NELL1: variants seen among roughly 807,000 people sequenced by gnomAD.
NELL1 encodes the protein protein kinase C-binding protein NELL1.
Under a neutral mutation model 107.4 loss-of-function variants are expected in NELL1, and 76 were observed. The ratio of observed to expected loss-of-function variants is 0.71; its 90% CI spans 0.59 to 0.86. The LOEUF is 0.86. Among genes scored for constraint, NELL1 ranks in the 40% least tolerant of loss-of-function variants. The pLI is 0.00. For missense variants in NELL1, 1,024 were observed against 1,005.5 expected (o/e 1.02, Z -0.25); for synonymous variants, 353 against 341.2 (o/e 1.03, Z -0.38).
chr11:21,574,261 T>A (rs1857171081), intron 19 of NELL1, among the ~76,000 whole-genome samples: 2 of 151,706 alleles, frequency 1.3e-5, no homozygotes, highest in Non-Finnish European at 2.9e-5. Context: ...TAGATTTTTT[T>A]TTTCTGGGAA....
intron 14 of NELL1, chr11:21,260,466 A>G (rs1275615547): frequency 2.6e-5 from 4 of 151,874 alleles, no homozygotes; most frequent in Non-Finnish European, 5.9e-5. Context: ...ATCCTGATGT[A>G]TTTAGTTTTT....
chr11:21,221,012 A>G (rs1857742785), intron 13 of NELL1, among the ~76,000 whole-genome samples: 1 of 152,224 alleles, frequency 6.6e-6, no homozygotes, highest in African/African-American at 2.4e-5. Flanking sequence ...GGGCTTGCCT[A>G]TATGGTCTTT....
At chr11:21,100,021 C>T (rs552324845) in intron 12 of NELL1, among the ~76,000 whole-genome samples, 2,197 of 146,212 alleles carry the variant, frequency 0.015, 63 homozygotes, top group African/African-American at 0.052. Context: ...CATTTTAGCC[C>T]TTTTTTTTTT....
chr11:20,719,443 C>G (rs1337181112), intron 2 of NELL1, among the ~76,000 whole-genome samples: 2 of 152,104 alleles, frequency 1.3e-5, no homozygotes, highest in South Asian at 2.1e-4. Flanking sequence ...CACACACACA[C>G]ACACACACAT....
chr11:20,753,977 A>T (rs1233285015), intron 2 of NELL1, among the ~76,000 whole-genome samples: 2 of 152,216 alleles, frequency 1.3e-5, no homozygotes, highest in African/African-American at 4.8e-5. Context: ...GTCATGGGGC[A>T]TATACACATC....
At chr11:21,181,735 ACTTT>A (rs1856830797) in intron 13 of NELL1, among the ~76,000 whole-genome samples, 1 of 151,868 alleles carries the variant, frequency 6.6e-6, no homozygotes, top group African/African-American at 2.4e-5. Context: ...AAATTTTTCC[ACTTT>A]CTTAAATGGA....
chr11:21,421,600 C>A (rs762340697), intron 15 of NELL1, among the ~76,000 whole-genome samples: 1 of 152,022 alleles, frequency 6.6e-6, no homozygotes, highest in Non-Finnish European at 1.5e-5. Flanking sequence ...CACGTCCCCA[C>A]CCCACAGCAT....
chr11:21,529,625 T>A (rs1855947262), intron 15 of NELL1, among the ~76,000 whole-genome samples: 2 of 152,202 alleles, frequency 1.3e-5, no homozygotes, highest in Non-Finnish European at 2.9e-5. Context: ...CCTGAATGCT[T>A]AACAAGGTTA....
intron 12 of NELL1, among the ~76,000 whole-genome samples, chr11:21,024,392 C>T (rs1852768147): frequency 6.6e-6 from 1 of 152,094 alleles, no homozygotes; most frequent in African/African-American, 2.4e-5. Context: ...AGTATTTTGG[C>T]TCCTGGACTC....
intron 12 of NELL1, among the ~76,000 whole-genome samples, chr11:21,075,736 G>A (rs1489294244): frequency 6.6e-6 from 1 of 152,146 alleles, no homozygotes; most frequent in Non-Finnish European, 1.5e-5. Context: ...CCTGGCCTAA[G>A]ATCAGTCTTT....
chr11:21,305,285 C>A (rs376728615), intron 14 of NELL1, among the ~76,000 whole-genome samples: 1 of 151,976 alleles, frequency 6.6e-6, no homozygotes, highest in Non-Finnish European at 1.5e-5. Context: ...GAAAAATGTG[C>A]AGATGCAGAT....
intron 10 of NELL1, among the ~76,000 whole-genome samples, chr11:20,945,069 T>C (rs1850935264): frequency 6.6e-6 from 1 of 152,198 alleles, no homozygotes; most frequent in Admixed American, 6.5e-5. Flanking sequence ...TTTAACAGTT[T>C]GATTTTTGAC....
At chr11:21,060,821 C>A (rs1001987325) in intron 12 of NELL1, among the ~76,000 whole-genome samples, 1 of 152,196 alleles carries the variant, frequency 6.6e-6, no homozygotes, top group Non-Finnish European at 1.5e-5. Context: ...CCTGCCTCAG[C>A]CTTCTGAGTA....
chr11:21,131,640 G>A (rs1460759452), intron 13 of NELL1, among the ~76,000 whole-genome samples: 3 of 151,846 alleles, frequency 2.0e-5, no homozygotes, highest in Non-Finnish European at 2.9e-5. Context: ...TTTTTGTTTT[G>A]GGGGAGGGAG....
At chr11:20,823,016 C>A (rs1262402275) in intron 3 of NELL1, among the ~76,000 whole-genome samples, 1 of 140,598 alleles carries the variant, frequency 7.1e-6, no homozygotes, top group African/African-American at 2.5e-5. Flanking sequence ...TGACAAGGGT[C>A]ATAAATGAAC....
At chr11:21,493,909 G>C (rs147561566) in intron 15 of NELL1, among the ~76,000 whole-genome samples, 5 of 151,836 alleles carry the variant, frequency 3.3e-5, no homozygotes, top group Non-Finnish European at 5.9e-5. Context: ...TTGATATGCC[G>C]TGGTGTGGAT....
intron 12 of NELL1, among the ~76,000 whole-genome samples, chr11:21,027,610 A>T (rs1448158694): frequency 1.3e-5 from 2 of 152,108 alleles, no homozygotes; most frequent in African/African-American, 4.8e-5. Flanking sequence ...GATTATATAC[A>T]AATAATGCTT....
At chr11:20,786,757 C>T (rs915295227) in intron 3 of NELL1, among the ~76,000 whole-genome samples, 1 of 151,696 alleles carries the variant, frequency 6.6e-6, no homozygotes, top group African/African-American at 2.4e-5. Context: ...ACCTGTAATC[C>T]CAGCACTTTG....
In NELL1 at chr11:21,006,328, C is replaced by A. The variant is rs534572537; in HGVS notation, c.1300+45768C>A. Among the ~76,000 whole-genome samples, 28 of 152,206 alleles carry A rather than the reference C, an allele frequency of 1.8e-4. 1 individual carries two copies. The South Asian group carries it at 5.6e-3, about 30-fold the overall frequency. On this transcript the variant is annotated intron_variant, in intron 12 of 19. Coordinates refer to ENST00000357134, the MANE Select transcript of NELL1 (RefSeq NM_006157.5). ...GATATGCTCTTGCCCTCTCACCATG[C>A]GATGCCTTCTGCCACGTTATAATGC...
Sources: gnomAD v4.1 joint callset for allele counts (sites outside exome capture counted in the v4.1 genomes callset) on GRCh38, gnomAD v4.1.1 for gene constraint, MANE v1.5 for transcripts, NCBI Gene and HGNC (gene_info 2026-07-23, HGNC 2026-07-21) for gene names.